PTPRD: variants seen among roughly 807,000 people sequenced by gnomAD.
PTPRD encodes the protein receptor-type tyrosine-protein phosphatase delta.
In PTPRD, 34 loss-of-function variants were observed where a neutral mutation model predicts 214.5. The observed-to-expected ratio is 0.16, with a 90% CI of 0.12 to 0.21. The LOEUF is 0.21. Ranked by LOEUF, PTPRD falls within the 10% of genes least tolerant of loss-of-function variation. The pLI is 1.00. For synonymous variants in PTPRD, 1,128 were observed against 845.7 expected (o/e 1.33, Z -5.79); for missense variants, 2,545 against 2,398.7 (o/e 1.06, Z -1.27).
intron 5 of PTPRD, among the ~76,000 whole-genome samples, chr9:9,822,535 T>G (rs2153577418): frequency 6.7e-6 from 1 of 148,580 alleles, no homozygotes; most frequent in East Asian, 1.9e-4. Flanking sequence ...TTATATATAG[T>G]TAAAATAACC....
chr9:8,928,812 C>T (rs2098923318), intron 11 of PTPRD, among the ~76,000 whole-genome samples: 1 of 152,092 alleles, frequency 6.6e-6, no homozygotes, highest in South Asian at 2.1e-4. Flanking sequence ...ATTGATTCTT[C>T]CTATCCATGA....
At chr9:10,066,393 T>C (rs991141997) in intron 3 of PTPRD, among the ~76,000 whole-genome samples, 1 of 151,880 alleles carries the variant, frequency 6.6e-6, no homozygotes, top group Non-Finnish European at 1.5e-5. Context: ...AGAGGCCCTT[T>C]AACCACTTCA....
intron 9 of PTPRD, among the ~76,000 whole-genome samples, chr9:9,258,934 A>T (rs2099978922): frequency 6.6e-6 from 1 of 151,924 alleles, no homozygotes; most frequent in Non-Finnish European, 1.5e-5. Context: ...AATTGTGCAG[A>T]CATTGATTCA....
chr9:10,091,927 T>C (rs1002034875), intron 3 of PTPRD, among the ~76,000 whole-genome samples: 2 of 151,386 alleles, frequency 1.3e-5, no homozygotes, highest in Non-Finnish European at 3.0e-5. Context: ...CGACTCCAGA[T>C]GACCTCGGCT....
At chr9:8,642,629 G>A (rs1238577194) in intron 12 of PTPRD, among the ~76,000 whole-genome samples, 1 of 152,090 alleles carries the variant, frequency 6.6e-6, no homozygotes, top group African/African-American at 2.4e-5. Context: ...TTGGGGTCTG[G>A]TGGGAAATGC....
At chr9:9,850,293 G>A (rs1287233893) in intron 5 of PTPRD, among the ~76,000 whole-genome samples, 2 of 152,076 alleles carry the variant, frequency 1.3e-5, no homozygotes, top group East Asian at 1.9e-4. Context: ...AAGTCATGCT[G>A]GAGACAGGAA....
intron 31 of PTPRD, 26 bp from the exon 32 acceptor site, chr9:8,465,701 A>C: frequency 6.4e-7 from 1 of 1,573,050 alleles, no homozygotes; most frequent in Non-Finnish European, 8.7e-7. Context: ...GGGAAACAGA[A>C]AAAGAACTGT....
chr9:8,668,370 G>T (rs1193234058), intron 12 of PTPRD, among the ~76,000 whole-genome samples: 1 of 152,152 alleles, frequency 6.6e-6, no homozygotes, highest in Non-Finnish European at 1.5e-5. Context: ...AGCCAAACTC[G>T]ACAGGTTTCA....
At chr9:9,650,743 T>C (rs1390252158) in intron 7 of PTPRD, among the ~76,000 whole-genome samples, 2 of 152,046 alleles carry the variant, frequency 1.3e-5, no homozygotes, top group African/African-American at 2.4e-5. Flanking sequence ...AGTTTATCTA[T>C]GTAACAAAGC....
At chr9:8,659,108 T>C (rs772516843) in intron 12 of PTPRD, among the ~76,000 whole-genome samples, 1 of 152,128 alleles carries the variant, frequency 6.6e-6, no homozygotes, top group African/African-American at 2.4e-5. Flanking sequence ...AGAAGGACAC[T>C]GTGCCATTCC....
intron 9 of PTPRD, among the ~76,000 whole-genome samples, chr9:9,320,819 A>G (rs1182409442): frequency 2.0e-5 from 3 of 152,188 alleles, no homozygotes; most frequent in Middle Eastern, 3.2e-3. Context: ...GAGTAATGGG[A>G]GGGCTCAAAT....
chr9:8,692,037 C>T lies in PTPRD; in HGVS notation c.64+41743G>A, dbSNP rs142888726. Among the ~76,000 whole-genome samples the T allele has an allele frequency of 2.9e-3, 445 of 152,192 alleles. 2 individuals are homozygous for T. The highest frequency in any genetic ancestry group is 0.01 in the African/African-American group (435 of 41,508). ...TTACTATTCTCCCTTTGGAAAATTC[C>T]GACTCTGATGGTCTCTAAAATTCCT... On this transcript the variant is annotated intron_variant, in intron 12 of 45. Coordinates refer to ENST00000381196, the MANE Select transcript of PTPRD (RefSeq NM_002839.4).
chr9:8,469,901 C>G (rs574190823), intron 31 of PTPRD, among the ~76,000 whole-genome samples: 3 of 152,194 alleles, frequency 2.0e-5, no homozygotes, highest in African/African-American at 7.2e-5. Context: ...AAGCTAACAA[C>G]CTTTCTGGTC....
At chr9:9,934,260 A>C (rs997492899) in intron 5 of PTPRD, among the ~76,000 whole-genome samples, 1 of 150,128 alleles carries the variant, frequency 6.7e-6, no homozygotes, top group African/African-American at 2.5e-5. Context: ...GAGACACAAA[A>C]AACCCTTCAA....
chr9:8,581,195 T>TAA (rs142301017), intron 14 of PTPRD, among the ~76,000 whole-genome samples: 5 of 147,556 alleles, frequency 3.4e-5, no homozygotes, highest in African/African-American at 1.0e-4. Context: ...GAATATATTA[T>TAA]AAAAAAAAAA....
At chr9:8,381,678 C>G (rs2085133183) in intron 37 of PTPRD, among the ~76,000 whole-genome samples, 1 of 152,168 alleles carries the variant, frequency 6.6e-6, no homozygotes, top group Non-Finnish European at 1.5e-5. Context: ...ATATTATTCT[C>G]AAAATAAACC....
chr9:10,253,951 C>G (rs1055218382), intron 3 of PTPRD, among the ~76,000 whole-genome samples: 3 of 152,022 alleles, frequency 2.0e-5, no homozygotes, highest in Admixed American at 2.0e-4. Flanking sequence ...TATCCAAAAA[C>G]AAAATTTTAA....
At chr9:10,363,386 G>A (rs2097433771) in intron 2 of PTPRD, among the ~76,000 whole-genome samples, 1 of 152,144 alleles carries the variant, frequency 6.6e-6, no homozygotes. Context: ...AGCCCTCTGT[G>A]CATCAAGATT....
At chr9:9,055,275 A>G (rs966278448) in intron 10 of PTPRD, among the ~76,000 whole-genome samples, 2 of 152,168 alleles carry the variant, frequency 1.3e-5, no homozygotes, top group African/African-American at 2.4e-5. Context: ...TGTTCTTGAA[A>G]AATACTGAGA....
Sources: gnomAD v4.1 joint callset for allele counts (sites outside exome capture counted in the v4.1 genomes callset) on GRCh38, gnomAD v4.1.1 for gene constraint, MANE v1.5 for transcripts, NCBI Gene and HGNC (gene_info 2026-07-23, HGNC 2026-07-21) for gene names.